TBX20: variants seen among roughly 807,000 people sequenced by gnomAD.
TBX20 encodes the protein T-box transcription factor 20, also known as T-box transcription factor TBX20.
A neutral mutation model predicts 42.9 loss-of-function variants in TBX20; 8 were observed. The ratio of observed to expected loss-of-function variants is 0.19; its 90% CI spans 0.11 to 0.34. The LOEUF is 0.34. TBX20 is among the 10% of genes least tolerant of loss of function. TBX20 has a pLI of 1.00. For synonymous variants in TBX20, 198 were observed against 222.8 expected, an observed-to-expected ratio of 0.89 and a Z score of 0.99; for missense variants, 411 against 566.0, an observed-to-expected ratio of 0.73 and a Z score of 2.78.
chr7:35,204,252 T>C (rs376664947), intron 7 of TBX20, among the ~76,000 whole-genome samples: 1 of 151,636 alleles, frequency 6.6e-6, no homozygotes. Flanking sequence ...AAACAAACCA[T>C]AGGAAACCTG....
intron 6 of TBX20, among the ~76,000 whole-genome samples, chr7:35,229,954 A>G (rs996811520): frequency 5.9e-5 from 9 of 152,174 alleles, no homozygotes; most frequent in African/African-American, 2.2e-4. Context: ...TCACTCACCC[A>G]GGAAAAGGCA....
At chr7:35,246,020 A>C (rs1790176187) in intron 3 of TBX20, among the ~76,000 whole-genome samples, 1 of 152,218 alleles carries the variant, frequency 6.6e-6, no homozygotes. Flanking sequence ...CCTTATAACT[A>C]CAATTAAACA....
chr7:35,237,490 T>C (rs114009812), intron 5 of TBX20, among the ~76,000 whole-genome samples: 1,694 of 152,102 alleles, frequency 0.011, 31 homozygotes, highest in African/African-American at 0.039. Flanking sequence ...AAAGAGTGTT[T>C]AGAAGTGTCA....
intron 5 of TBX20, among the ~76,000 whole-genome samples, chr7:35,235,762 G>A (rs1218374303): frequency 2.0e-5 from 3 of 152,226 alleles, no homozygotes; most frequent in Admixed American, 2.0e-4. Context: ...GTAAATGTGT[G>A]GAGAGCAGAT....
rs1790268819 is a variant in TBX20 at position 35,249,834 on chromosome 7, G to A, written c.380+117C>T. The A allele has an allele frequency of 1.7e-6, 2 of 1,195,714 alleles. No homozygotes were observed. The highest frequency in any genetic ancestry group is 1.5e-5 in the African/African-American group (1 of 65,106). The allele number at this position is 1,195,714 out of a possible 1,614,324, so 74.1% of individuals were successfully genotyped here. On this transcript the variant is annotated intron_variant, in intron 2 of 7. Transcript: ENST00000408931. This position sits in a 1 kb window ranked among gnomAD's most constrained non-coding sequence, Gnocchi z 4.3. ...TGGAAAGCAGCTGCCCTGGAGCCAA[G>A]CTGTCTCTCCGCTCCATGACCAGCC...
chr7:35,216,683 C>G (rs1789596926), intron 6 of TBX20, among the ~76,000 whole-genome samples: 1 of 152,130 alleles, frequency 6.6e-6, no homozygotes, highest in African/African-American at 2.4e-5. Flanking sequence ...ACTTGCCATG[C>G]TTTGTTTAAA....
intron 6 of TBX20, 151 bp from the exon 7 acceptor site, chr7:35,204,733 T>C: frequency 1.5e-6 from 1 of 684,550 alleles, no homozygotes; most frequent in Non-Finnish European, 2.6e-6. Flanking sequence ...AACATGTACA[T>C]TTATTCTGTT....
chr7:35,224,039 C>T (rs1319862024), intron 6 of TBX20, among the ~76,000 whole-genome samples: 1 of 152,144 alleles, frequency 6.6e-6, no homozygotes, highest in Non-Finnish European at 1.5e-5. Flanking sequence ...AAAACAATTA[C>T]ATGGGACAGA....
chr7:35,231,863 G>A (rs1318106651), intron 5 of TBX20, among the ~76,000 whole-genome samples: 1 of 152,056 alleles, frequency 6.6e-6, no homozygotes, highest in East Asian at 1.9e-4. Flanking sequence ...TGTGAACTGG[G>A]GTGTGCAGTA....
chr7:35,242,599 G>C (rs1446788510), intron 4 of TBX20, among the ~76,000 whole-genome samples: 1 of 151,970 alleles, frequency 6.6e-6, no homozygotes, highest in African/African-American at 2.4e-5. Flanking sequence ...TACCAAAATG[G>C]AACAAGCCCT....
intron 5 of TBX20, among the ~76,000 whole-genome samples, chr7:35,237,224 AT>A (rs1417810431): frequency 1.3e-5 from 2 of 152,090 alleles, no homozygotes; most frequent in Admixed American, 6.6e-5. Context: ...TCTTCAAGGC[AT>A]ACAGTGTCAG....
At chr7:35,231,314 T>C (rs1376602628) in intron 6 of TBX20, among the ~76,000 whole-genome samples, 190 bp downstream of exon 6, 4 of 152,176 alleles carry the variant, frequency 2.6e-5, no homozygotes, top group Non-Finnish European at 5.9e-5. Context: ...AAATTAAGCA[T>C]ATAATAGATC....
chr7:35,253,363 A>T, intron 1 of TBX20, 131 bp downstream of exon 1: 17 of 1,086,186 alleles, frequency 1.6e-5, no homozygotes, highest in Non-Finnish European at 2.2e-5. Context: ...CAAAAGAAAA[A>T]GATCTCCCAC....
intron 6 of TBX20, among the ~76,000 whole-genome samples, chr7:35,225,532 C>T (rs565381722): frequency 6.6e-6 from 1 of 152,178 alleles, no homozygotes; most frequent in Non-Finnish European, 1.5e-5. Context: ...TCAGACAGAG[C>T]AGCTCTCATA....
At position 35,249,839 on chromosome 7, in the gene TBX20, C is replaced by T; in HGVS notation, c.380+112G>A. 7.2e-6 allele frequency: 9 copies of T among 1,246,054 alleles called. No homozygotes were observed. Among genetic ancestry groups the T allele is most frequent in the Non-Finnish European group, 8.9e-6 (8 of 897,306 alleles). The allele number at this position is 1,246,054 out of a possible 1,614,324, so 77.2% of individuals were successfully genotyped here. ...AGCAGCTGCCCTGGAGCCAAGCTGT[C>T]TCTCCGCTCCATGACCAGCCAGCTC... On this transcript the variant is annotated intron_variant, in intron 2 of 7. Transcript: ENST00000408931. This position sits in a 1 kb window ranked among gnomAD's most constrained non-coding sequence, Gnocchi z 4.3.
At chr7:35,217,824 G>C (rs1002526329) in intron 6 of TBX20, among the ~76,000 whole-genome samples, 2 of 152,082 alleles carry the variant, frequency 1.3e-5, no homozygotes, top group Non-Finnish European at 2.9e-5. Context: ...TGGTTCAAGT[G>C]ATTGTCCTGC....
intron 3 of TBX20, among the ~76,000 whole-genome samples, chr7:35,246,768 T>G (rs1355460761): frequency 6.6e-6 from 1 of 152,144 alleles, no homozygotes; most frequent in Non-Finnish European, 1.5e-5. Context: ...TCTTCGTTTT[T>G]CTCTTATGGA....
At chr7:35,219,184 C>T (rs1451232716) in intron 6 of TBX20, among the ~76,000 whole-genome samples, 3 of 152,124 alleles carry the variant, frequency 2.0e-5, no homozygotes, top group Non-Finnish European at 4.4e-5. Context: ...ACTCCTCTTA[C>T]AGAATGTGGG....
Position 35,249,548 on chromosome 7 carries a change from G to A in TBX20, c.380+403C>T, listed in dbSNP as rs1790263639. Among the ~76,000 whole-genome samples, 1 of 152,208 alleles carries A rather than the reference G, an allele frequency of 6.6e-6. No homozygotes were observed. The highest frequency in any genetic ancestry group is 2.4e-5 in the African/African-American group (1 of 41,442). ...CTGGCAGCTTTTGCAAATTGAGGCT[G>A]ATAAAAGGGAAGCTACTCACCTACC... On this transcript the variant is annotated intron_variant, in intron 2 of 7. Coordinates refer to ENST00000408931, the MANE Select transcript of TBX20 (RefSeq NM_001077653.2). The surrounding 1 kb of genome is among the most constrained non-coding windows in gnomAD (Gnocchi z 4.3).
Sources: allele counts gnomAD v4.1 joint callset (sites outside exome capture counted in the v4.1 genomes callset), GRCh38; gene constraint gnomAD v4.1.1; non-coding constraint Gnocchi (gnomAD v3.1); transcripts MANE v1.5; gene names NCBI Gene and HGNC (gene_info 2026-07-23, HGNC 2026-07-21).